ZMAT4: variants seen among roughly 807,000 people sequenced by gnomAD.
The protein encoded by ZMAT4 is zinc finger matrin-type 4.
In ZMAT4, 17 loss-of-function variants were observed where a neutral mutation model predicts 28.7. That is an observed-to-expected ratio of 0.59 (90% CI 0.41 to 0.89). The LOEUF is 0.89. ZMAT4 is among the 40% of genes least tolerant of loss of function. ZMAT4 has a pLI of 0.00. For missense variants in ZMAT4, 240 were observed against 283.8 expected (o/e 0.85, Z 1.11); for synonymous variants, 117 against 109.2 (o/e 1.07, Z -0.44).
chr8:40,767,393 T>C (rs1356673036), intron 3 of ZMAT4, among the ~76,000 whole-genome samples: 1 of 152,180 alleles, frequency 6.6e-6, no homozygotes, highest in Non-Finnish European at 1.5e-5. Context: ...ACAACCTCTG[T>C]GTATTCTCAC....
chr8:40,881,675 G>A (rs1455790569), intron 1 of ZMAT4, among the ~76,000 whole-genome samples: 1 of 152,172 alleles, frequency 6.6e-6, no homozygotes. Flanking sequence ...AGGAGCAACT[G>A]TATGGGGACT....
intron 5 of ZMAT4, among the ~76,000 whole-genome samples, chr8:40,660,302 G>C (rs1808129029): frequency 6.6e-6 from 1 of 152,148 alleles, no homozygotes; most frequent in Admixed American, 6.5e-5. Context: ...TTTTTAAGTT[G>C]AAGTGGCTTT....
At chr8:40,759,227 A>G (rs536652777) in intron 3 of ZMAT4, among the ~76,000 whole-genome samples, 3 of 145,016 alleles carry the variant, frequency 2.1e-5, no homozygotes, top group Non-Finnish European at 4.5e-5. Context: ...GGTTGCAGTG[A>G]GCCGAGGCTG....
chr8:40,739,821 G>A (rs771673249), intron 3 of ZMAT4, among the ~76,000 whole-genome samples: 25 of 152,036 alleles, frequency 1.6e-4, no homozygotes, highest in African/African-American at 3.9e-4. Context: ...GACAGGCCCC[G>A]GTGTATGATA....
intron 1 of ZMAT4, among the ~76,000 whole-genome samples, chr8:40,885,589 G>A (rs1818424160): frequency 6.6e-6 from 1 of 152,186 alleles, no homozygotes; most frequent in Non-Finnish European, 1.5e-5. Flanking sequence ...CAGTGGCACA[G>A]TCATAGCTCA....
chr8:40,714,968 G>C (rs1192155454), intron 3 of ZMAT4, among the ~76,000 whole-genome samples: 1 of 148,374 alleles, frequency 6.7e-6, no homozygotes, highest in Non-Finnish European at 1.5e-5. Flanking sequence ...AGAATGGCTT[G>C]AACTCAGGAG....
intron 5 of ZMAT4, among the ~76,000 whole-genome samples, chr8:40,655,824 T>C (rs895803638): frequency 6.6e-6 from 1 of 152,016 alleles, no homozygotes; most frequent in Non-Finnish European, 1.5e-5. Flanking sequence ...AAGACATAAA[T>C]GTAAGAAGTA....
chr8:40,848,232 G>T (rs1433365909), intron 1 of ZMAT4, among the ~76,000 whole-genome samples: 1 of 152,160 alleles, frequency 6.6e-6, no homozygotes, highest in Non-Finnish European at 1.5e-5. Context: ...TTGTCCCAAA[G>T]CAACACCAGC....
At chr8:40,654,705 C>A (rs1471253651) in intron 5 of ZMAT4, among the ~76,000 whole-genome samples, 1 of 152,048 alleles carries the variant, frequency 6.6e-6, no homozygotes, top group African/African-American at 2.4e-5. Flanking sequence ...AGATAAAAAT[C>A]GCCTGATCAT....
intron 2 of ZMAT4, among the ~76,000 whole-genome samples, chr8:40,806,610 T>C (rs2150592082): frequency 6.6e-6 from 1 of 152,334 alleles, no homozygotes; most frequent in South Asian, 2.1e-4. Flanking sequence ...CACATTTCAT[T>C]GAATAGAGAA....
intron 1 of ZMAT4, among the ~76,000 whole-genome samples, chr8:40,853,332 G>A (rs1447848745): frequency 3.9e-5 from 6 of 152,134 alleles, no homozygotes; most frequent in African/African-American, 1.4e-4. Flanking sequence ...CGAGCCAGGT[G>A]AACCATGAGG....
At chr8:40,840,356 G>A (rs1816658911) in intron 1 of ZMAT4, among the ~76,000 whole-genome samples, 1 of 152,148 alleles carries the variant, frequency 6.6e-6, no homozygotes, top group Non-Finnish European at 1.5e-5. Context: ...GCAGTTGGCT[G>A]AGGCTACTAT....
chr8:40,532,963 C>T (rs1452125105), intron 6 of ZMAT4, among the ~76,000 whole-genome samples: 1 of 147,450 alleles, frequency 6.8e-6, no homozygotes, highest in Non-Finnish European at 1.5e-5. Flanking sequence ...AGCCTGGCAA[C>T]AGAGGGAGAC....
At chr8:40,812,504 T>C (rs1449309640) in intron 2 of ZMAT4, among the ~76,000 whole-genome samples, 2 of 152,214 alleles carry the variant, frequency 1.3e-5, no homozygotes, top group African/African-American at 4.8e-5. Context: ...TGAGAAACTG[T>C]TATAGTCTAG....
intron 3 of ZMAT4, among the ~76,000 whole-genome samples, chr8:40,753,543 C>T (rs1433086451): frequency 6.6e-6 from 1 of 152,174 alleles, no homozygotes; most frequent in Non-Finnish European, 1.5e-5. Context: ...CATTCCCCCC[C>T]ACCACTATCC....
At chr8:40,812,685 C>T (rs1416638724) in intron 2 of ZMAT4, among the ~76,000 whole-genome samples, 1 of 152,158 alleles carries the variant, frequency 6.6e-6, no homozygotes, top group Non-Finnish European at 1.5e-5. Flanking sequence ...AATCCCAGCA[C>T]TTTGGGAGGC....
chr8:40,773,509 TAA>T (rs113357836), intron 2 of ZMAT4, among the ~76,000 whole-genome samples: 3 of 149,844 alleles, frequency 2.0e-5, no homozygotes, highest in Admixed American at 6.7e-5. Flanking sequence ...GTGGCATCTA[TAA>T]AAAAAAAACT....
intron 3 of ZMAT4, among the ~76,000 whole-genome samples, chr8:40,728,454 G>A (rs1178340297): frequency 1.3e-5 from 2 of 152,148 alleles, no homozygotes; most frequent in African/African-American, 4.8e-5. Context: ...CCCAACCTGA[G>A]CATCACTGGT....
intron 6 of ZMAT4, among the ~76,000 whole-genome samples, chr8:40,567,455 G>T (rs1398737159): frequency 1.3e-5 from 2 of 152,032 alleles, no homozygotes; most frequent in Non-Finnish European, 2.9e-5. Context: ...GAAAAGCCAG[G>T]CATGGTGGCT....
Sources: allele counts gnomAD v4.1 joint callset (sites outside exome capture counted in the v4.1 genomes callset), GRCh38; gene constraint gnomAD v4.1.1; transcripts MANE v1.5; gene names NCBI Gene and HGNC (gene_info 2026-07-23, HGNC 2026-07-21).